Variants in TRPV2 observed in about 807,000 individuals in gnomAD.
TRPV2 encodes transient receptor potential cation channel subfamily V member 2.
A neutral mutation model predicts 91.0 loss-of-function variants in TRPV2; 58 were observed. The observed-to-expected ratio is 0.64, with a 90% confidence interval of 0.52 to 0.79. TRPV2 has a LOEUF of 0.79. Ranked by LOEUF, TRPV2 falls within the 30% of genes least tolerant of loss-of-function variation. The pLI is 0.00. For missense variants in TRPV2, 807 were observed against 969.6 expected (o/e 0.83, Z 2.23); for synonymous variants, 417 against 414.8 (o/e 1.01, Z -0.06).
In TRPV2 at chr17:16,426,088, C is replaced by A. The variant is rs772151769; in HGVS notation, c.925-11C>A. On this transcript the variant is annotated splice_polypyrimidine_tract_variant and intron_variant, in intron 5 of 14. Transcript: ENST00000338560. This position sits in a 1 kb window ranked among gnomAD's most constrained non-coding sequence, Gnocchi z 6.0. ...GGACCATGAATGCAAGCTCATATGGCCACCCTGCAGATTTTCAGGCACATC... is the reference window on the plus strand; with the variant it reads ...GGACCATGAATGCAAGCTCATATGGACACCCTGCAGATTTTCAGGCACATC... 1.9e-6 allele frequency: 3 copies of A among 1,613,968 alleles called. No individual in the cohort carries two copies. The highest frequency in any genetic ancestry group is 2.5e-6 in the Non-Finnish European group (3 of 1,179,900).
chr17:16,429,498 G>GA (rs1258066628), intron 10 of TRPV2, among the ~76,000 whole-genome samples: 2 of 151,872 alleles, frequency 1.3e-5, no homozygotes, highest in Admixed American at 6.6e-5. Context: ...TTCTATGAAG[G>GA]AAAAAAAAGC....
chr17:16,434,493 CA>C (rs1335454399), intron 13 of TRPV2, among the ~76,000 whole-genome samples: 2 of 147,474 alleles, frequency 1.4e-5, no homozygotes, highest in Non-Finnish European at 3.0e-5. Flanking sequence ...AAGAAAACAA[CA>C]GCAACAAAAA....
chr17:16,423,875 G>C lies in TRPV2; in HGVS notation c.924+108G>C, dbSNP rs544244600. 4 of 1,087,290 alleles carry C rather than the reference G, an allele frequency of 3.7e-6. No homozygotes were observed. The Admixed American group carries it at 1.2e-4, about 32-fold the overall frequency. 67.4% of individuals were successfully genotyped at this position (1,087,290 alleles called of 1,614,324 possible). On this transcript the variant is annotated intron_variant, in intron 5 of 14. Transcript: ENST00000338560. ...GGTGGTGAAGAGCAGTGGCTTCTCT[G>C]CTTTTCAATGGAACACTCCTGTTAG...
At position 16,426,194 on chromosome 17, in the gene TRPV2, G is replaced by GT; in HGVS notation, c.1021dup (p.Tyr341LeufsTer2). ...GCTATGGGCCTGTCCGGGTGTCGCT[G>GT]TATGACCTGGCTTCTGTGGACAGCT... On this transcript the variant is annotated frameshift_variant, in exon 6 of 15. Transcript: ENST00000338560. LOFTEE classifies it high-confidence loss of function. This position sits in a 1 kb window ranked among gnomAD's most constrained non-coding sequence, Gnocchi z 6.0. The GT allele has an allele frequency of 6.2e-7, 1 of 1,614,210 alleles. No homozygotes were observed. Among genetic ancestry groups the GT allele is most frequent in the Non-Finnish European group, 8.5e-7 (1 of 1,180,034 alleles).
Position 16,433,674 on chromosome 17 carries a change from GC to G in TRPV2, c.2094del (p.Asp699MetfsTer11), listed in dbSNP as rs1365838542. On this transcript the variant is annotated frameshift_variant, in exon 13 of 15. Coordinates refer to ENST00000338560, the MANE Select transcript of TRPV2 (RefSeq NM_016113.5). LOFTEE classifies it high-confidence loss of function. ...ACCGTTGGCACTAAGCCAGATGGCA[GC>G]CCCGATGAGCGCTGGTGCTTCAGGT... ...MLTVGTKPDG[S>X]PDERWCFRVE... The G allele has an allele frequency of 6.2e-7, 1 of 1,614,048 alleles. No individual in the cohort carries two copies. The highest frequency in any genetic ancestry group is 8.5e-7 in the Non-Finnish European group (1 of 1,180,000).
In TRPV2 at chr17:16,431,864, C is replaced by T. The variant is rs755599379; in HGVS notation, c.1654+14C>T. 4.3e-5 allele frequency: 70 copies of T among 1,613,940 alleles called. No individual in the cohort carries two copies. The highest frequency in any genetic ancestry group is 5.6e-5 in the Non-Finnish European group (66 of 1,179,952). On this transcript the variant is annotated intron_variant, in intron 11 of 14. Coordinates refer to ENST00000338560, the MANE Select transcript of TRPV2 (RefSeq NM_016113.5). Reference sequence around the variant, plus strand: ...GCTTCGCTGTAGGTAAAGGCTCCCTCCGGCCCCCTCCCCCTTCCCCACGTT... The same window carrying T: ...GCTTCGCTGTAGGTAAAGGCTCCCTTCGGCCCCCTCCCCCTTCCCCACGTT...
At chr17:16,418,583 G>C (rs1325105258) in intron 2 of TRPV2, among the ~76,000 whole-genome samples, 1 of 152,106 alleles carries the variant, frequency 6.6e-6, no homozygotes, top group African/African-American at 2.4e-5. Context: ...GCAGGCTAGA[G>C]CTGCTTCCTG....
chr17:16,423,465 G>A lies in TRPV2; in HGVS notation c.626-4G>A. 6.3e-7 allele frequency: 1 copy of A among 1,595,000 alleles called. No homozygotes were observed. Among genetic ancestry groups the A allele is most frequent in the Non-Finnish European group, 8.6e-7 (1 of 1,168,534 alleles). On this transcript the variant is annotated splice_polypyrimidine_tract_variant and splice_region_variant and intron_variant, in intron 4 of 14. Coordinates refer to ENST00000338560, the MANE Select transcript of TRPV2 (RefSeq NM_016113.5). The stretch of plus-strand genomic sequence containing the variant: ...GGGGCCCAAGCTGCTCTCTTGGCCT[G>A]CAGGTGAGCTACCCCTCTCTTTGGC...
At chr17:16,433,540 A>G (rs938998545) in intron 12 of TRPV2, 34 bp from the exon 13 acceptor site, 7 of 1,609,600 alleles carry the variant, frequency 4.3e-6, no homozygotes, top group Non-Finnish European at 5.9e-6. Flanking sequence ...GCAGGGTCCC[A>G]GGACGTTCTG....
chr17:16,418,197 G>T (rs1248563962), intron 2 of TRPV2, among the ~76,000 whole-genome samples: 2 of 152,192 alleles, frequency 1.3e-5, no homozygotes, highest in African/African-American at 2.4e-5. Flanking sequence ...TCCCTGTTGG[G>T]GAAGGCAGCA....
At chr17:16,433,784 G>A (rs2093423826) in intron 13 of TRPV2, 86 bp downstream of exon 13, 1 of 1,552,678 alleles carries the variant, frequency 6.4e-7, no homozygotes, top group African/African-American at 1.4e-5. Context: ...ACAGCTGCCA[G>A]GAGCCAGGTC....
chr17:16,417,255 A>AT (rs34360076), intron 1 of TRPV2, among the ~76,000 whole-genome samples: 25,724 of 133,768 alleles, frequency 0.19, 3,160 homozygotes, highest in African/African-American at 0.34. Context: ...AAAAACCGCA[A>AT]TTTTTTTTTT....
chr17:16,427,667 C>A, intron 8 of TRPV2, 120 bp downstream of exon 8: 1 of 930,566 alleles, frequency 1.1e-6, no homozygotes, highest in Non-Finnish European at 1.6e-6. Flanking sequence ...GAGCAACCAG[C>A]CTCACTGAAG....
In TRPV2 at chr17:16,422,696, C is replaced by T. The variant is rs2093364011; in HGVS notation, c.432C>T (p.Asp144=). Residue 144 remains aspartate, a synonymous_variant, in exon 4 of 15, where the codon GAC becomes GAT. Transcript: ENST00000338560. The part of the protein sequence containing the change: ...CILPLLQIDR[D]SGNPQPLVNA... ...TGCCACTGCTGCAGATCGACAGGGA[C>T]TCTGGCAATCCTCAGCCCCTGGTAA... 2 of 1,610,586 alleles carry T rather than the reference C, an allele frequency of 1.2e-6. No homozygotes were observed. Among genetic ancestry groups the T allele is most frequent in the Non-Finnish European group, 1.7e-6 (2 of 1,178,224 alleles).
intron 10 of TRPV2, among the ~76,000 whole-genome samples, chr17:16,430,023 C>A (rs1394877592): frequency 1.3e-5 from 2 of 151,794 alleles, no homozygotes; most frequent in Admixed American, 1.3e-4. Flanking sequence ...CACCACCATG[C>A]CCGGCTAATT....
intron 12 of TRPV2, among the ~76,000 whole-genome samples, chr17:16,432,828 A>G (rs1325465281): frequency 6.8e-6 from 1 of 148,088 alleles, no homozygotes; most frequent in Non-Finnish European, 1.5e-5. Context: ...TTTTGAGTCA[A>G]GAGTTTTGCT....
chr17:16,436,879 A>G lies in TRPV2; in HGVS notation c.2285A>G (p.Gln762Arg), dbSNP rs766117627. 10 of 1,613,800 alleles carry G rather than the reference A, an allele frequency of 6.2e-6. No individual in the cohort carries two copies. In the African/African-American group the frequency reaches 1.2e-4, roughly 19 times the overall value. The change falls in exon 15 of 15, where the codon CAG becomes CGG. Residue 762 changes from glutamine to arginine, a missense_variant. By Grantham distance (43) the Gln-to-Arg change is conservative. Coordinates refer to ENST00000338560, the MANE Select transcript of TRPV2 (RefSeq NM_016113.5). ...EENYVPVQLL[Q>R]SN ...AACTATGTGCCCGTCCAGCTCCTCC[A>G]GTCCAACTGATGGCCCAGATGCAGC...
intron 10 of TRPV2, among the ~76,000 whole-genome samples, chr17:16,431,107 G>A (rs2093407821): frequency 6.8e-6 from 1 of 146,334 alleles, no homozygotes; most frequent in African/African-American, 2.5e-5. Flanking sequence ...GCTGGAGTGC[G>A]GTGACACGAT....
At position 16,436,983 on chromosome 17, in the gene TRPV2, A is replaced by G; in HGVS notation, c.*94A>G. The G allele has an allele frequency of 2.0e-6, 2 of 1,000,710 alleles. No homozygotes were observed. The highest frequency in any genetic ancestry group is 2.4e-5 in the East Asian group (1 of 41,022). The allele number at this position is 1,000,710 out of a possible 1,614,324, so 62.0% of individuals were successfully genotyped here. On this transcript the variant is annotated 3_prime_UTR_variant, in exon 15 of 15. Coordinates refer to ENST00000338560, the MANE Select transcript of TRPV2 (RefSeq NM_016113.5). ...GGGTCCCAGTGAATTCTGGTGGCAA[A>G]TATATATTTTCACTAACTAACTCTT...
Sources: allele counts gnomAD v4.1 joint callset (sites outside exome capture counted in the v4.1 genomes callset), GRCh38; gene constraint gnomAD v4.1.1; non-coding constraint Gnocchi (gnomAD v3.1); transcripts MANE v1.5; gene names NCBI Gene and HGNC (gene_info 2026-07-23, HGNC 2026-07-21).